The following LIPA variants were observed in gnomAD, a reference collection of about 807,000 sequenced individuals.
LIPA encodes the protein lysosomal acid lipase/cholesteryl ester hydrolase.
Under a neutral mutation model 40.6 loss-of-function variants are expected in LIPA, and 26 were observed. That is an observed-to-expected ratio of 0.64 (90% CI 0.47 to 0.89). The LOEUF (loss-of-function observed/expected upper bound fraction) is 0.89. Among genes scored for constraint, LIPA ranks in the 40% least tolerant of loss-of-function variants. The pLI is 0.00. For synonymous variants in LIPA, 188 were observed against 168.4 expected (o/e 1.12, Z -0.90); for missense variants, 455 against 479.6 (o/e 0.95, Z 0.48).
chr10:89,410,439 G>A (rs1841460102), intron 2 of LIPA, among the ~76,000 whole-genome samples: 1 of 152,206 alleles, frequency 6.6e-6, no homozygotes, highest in Non-Finnish European at 1.5e-5. Flanking sequence ...TCCCTTAGAA[G>A]TCCCCTTAGC....
At chr10:89,383,414 AT>A in intron 2 of LIPA, 1 of 1,614,176 alleles carries the variant, frequency 6.2e-7, no homozygotes, top group Non-Finnish European at 8.5e-7. Flanking sequence ...GAAATTCCTG[AT>A]TTAGAAAACA....
intron 1 of LIPA, among the ~76,000 whole-genome samples, chr10:89,319,959 A>C (rs923724823): frequency 1.3e-5 from 2 of 152,228 alleles, no homozygotes; most frequent in Non-Finnish European, 2.9e-5. Flanking sequence ...AGAACCAAAG[A>C]CAAAAACCAC....
At chr10:89,248,444 A>T (rs1175699482) in intron 1 of LIPA, among the ~76,000 whole-genome samples, 1,058 of 20,346 alleles carry the variant, frequency 0.052, 3 homozygotes, top group Middle Eastern at 0.11. Context: ...ATTATTTTAT[A>T]TTTATTTATT....
At chr10:89,324,089 A>T (rs1049085674) in intron 1 of LIPA, among the ~76,000 whole-genome samples, 3 of 152,054 alleles carry the variant, frequency 2.0e-5, no homozygotes, top group African/African-American at 7.2e-5. Context: ...ATAGACCAAT[A>T]GAACAGAATA....
intron 2 of LIPA, chr10:89,378,163 T>C (rs768578098): frequency 1.1e-5 from 17 of 1,613,188 alleles, no homozygotes; most frequent in Non-Finnish European, 1.4e-5. Context: ...TCTGCTTCAC[T>C]GACCTTATTT....
intron 4 of LIPA, 52 bp downstream of exon 4, chr10:89,228,148 G>A: frequency 6.7e-7 from 1 of 1,494,986 alleles, no homozygotes; most frequent in African/African-American, 1.4e-5. Flanking sequence ...CCTGTTGTCT[G>A]CTTTAAGAGT....
intron 2 of LIPA, among the ~76,000 whole-genome samples, chr10:89,359,629 C>T (rs1465779072): frequency 6.6e-6 from 1 of 152,192 alleles, no homozygotes; most frequent in Non-Finnish European, 1.5e-5. Flanking sequence ...CCTCATCAAG[C>T]TGCTCCTATT....
chr10:89,322,929 T>A lies in LIPA; in HGVS notation c.-2+19682A>T, dbSNP rs900951960. Among the ~76,000 whole-genome samples the A allele has an allele frequency of 3.9e-5, 6 of 152,132 alleles. No individual in the cohort carries two copies. In the East Asian group the frequency reaches 1.2e-3, roughly 29 times the overall value. ...CAGGCAACACTTGCTAGAGCTTCCA[T>A]CCCAGTGGTTCCACTTCTGTCTGAA... On this transcript the variant is annotated intron_variant, in intron 1 of 5. Transcript: ENST00000282673.
At chr10:89,276,461 A>G (rs576859017) in intron 1 of LIPA, among the ~76,000 whole-genome samples, 1 of 152,364 alleles carries the variant, frequency 6.6e-6, no homozygotes, top group South Asian at 2.1e-4. Flanking sequence ...TTCCACATAC[A>G]GTATTGGTTA....
intron 2 of LIPA, among the ~76,000 whole-genome samples, chr10:89,395,068 T>C (rs1216807373): frequency 6.6e-6 from 1 of 152,196 alleles, no homozygotes; most frequent in East Asian, 1.9e-4. Context: ...CTCCACCTTT[T>C]TCCAGTTCCT....
At chr10:89,412,852 C>G (rs1332351579) in exon 2 of LIPA, 1 of 358,660 alleles carries the variant, frequency 2.8e-6, no homozygotes, top group Non-Finnish European at 5.5e-6. Context: ...GACACGCCAT[C>G]TTTAACAACT....
At chr10:89,221,153 T>A (rs12359411) in intron 8 of LIPA, among the ~76,000 whole-genome samples, 14,050 of 151,520 alleles carry the variant, frequency 0.093, 713 homozygotes, top group Middle Eastern at 0.16. Flanking sequence ...CACAGGTGTA[T>A]ACAAACACTG....
intron 3 of LIPA, 138 bp downstream of exon 3, chr10:89,245,538 G>C (rs1418919858): frequency 2.9e-6 from 2 of 696,918 alleles, no homozygotes; most frequent in African/African-American, 3.6e-5. Context: ...ATTTTTCTTT[G>C]CCTTGCAAAC....
At chr10:89,237,243 G>A (rs1842916039) in intron 3 of LIPA, among the ~76,000 whole-genome samples, 1 of 152,126 alleles carries the variant, frequency 6.6e-6, no homozygotes, top group Non-Finnish European at 1.5e-5. Context: ...TGGTGCCACT[G>A]TACTCCAGCT....
chr10:89,215,684 T>G (rs536715857), intron 9 of LIPA, among the ~76,000 whole-genome samples: 4 of 152,354 alleles, frequency 2.6e-5, no homozygotes, highest in African/African-American at 9.6e-5. Flanking sequence ...GCTATGTTCG[T>G]GATTACTCTG....
At chr10:89,274,806 T>C (rs984610272) in intron 1 of LIPA, among the ~76,000 whole-genome samples, 1 of 152,230 alleles carries the variant, frequency 6.6e-6, no homozygotes, top group Non-Finnish European at 1.5e-5. Flanking sequence ...CAGACTTTAT[T>C]GGAGTTTTCT....
intron 1 of LIPA, among the ~76,000 whole-genome samples, chr10:89,298,208 C>T (rs1843426391): frequency 1.3e-5 from 2 of 152,132 alleles, no homozygotes; most frequent in Non-Finnish European, 2.9e-5. Context: ...TATCTGGGGG[C>T]CCAGGAATTA....
intron 2 of LIPA, among the ~76,000 whole-genome samples, chr10:89,371,833 C>T (rs1168061447): frequency 6.6e-6 from 1 of 152,088 alleles, no homozygotes; most frequent in East Asian, 1.9e-4. Flanking sequence ...TTTAGCCCAT[C>T]TAATTTAAGA....
At chr10:89,403,451 G>T (rs1368018489) in intron 2 of LIPA, 62 of 1,613,526 alleles carry the variant, frequency 3.8e-5, no homozygotes, top group Non-Finnish European at 5.0e-5. Context: ...AATTTCAAAA[G>T]AAATCTGACG....
Sources: gnomAD v4.1 joint callset for allele counts (sites outside exome capture counted in the v4.1 genomes callset) on GRCh38, gnomAD v4.1.1 for gene constraint, MANE v1.5 for transcripts, NCBI Gene and HGNC (gene_info 2026-07-23, HGNC 2026-07-21) for gene names.